ANKS1B: variants seen among roughly 807,000 people sequenced by gnomAD.
ANKS1B encodes ankyrin repeat and sterile alpha motif domain-containing protein 1B.
A neutral mutation model predicts 148.3 loss-of-function variants in ANKS1B; 36 were observed. The ratio of observed to expected loss-of-function variants is 0.24; its 90% CI spans 0.19 to 0.32. ANKS1B has a LOEUF of 0.32. ANKS1B is among the 10% of genes least tolerant of loss of function. The pLI, the probability that ANKS1B is intolerant of heterozygous loss-of-function variation, is 1.00. For synonymous variants in ANKS1B, 542 were observed against 560.8 expected (o/e 0.97, Z 0.47); for missense variants, 1,157 against 1,542.6 (o/e 0.75, Z 4.19).
intron 14 of ANKS1B, among the ~76,000 whole-genome samples, chr12:99,162,897 C>T (rs192577407): frequency 1.3e-5 from 2 of 151,828 alleles, no homozygotes; most frequent in African/African-American, 4.8e-5. Flanking sequence ...GTCTCTACTA[C>T]AAATACAAAA....
intron 17 of ANKS1B, among the ~76,000 whole-genome samples, chr12:98,857,170 T>C (rs918992023): frequency 9.8e-5 from 15 of 152,306 alleles, no homozygotes; most frequent in African/African-American, 3.4e-4. Flanking sequence ...GAGGAGGAAG[T>C]AGTTACTTCT....
intron 10 of ANKS1B, among the ~76,000 whole-genome samples, chr12:99,463,552 C>T (rs1180080815): frequency 2.0e-5 from 3 of 152,196 alleles, no homozygotes; most frequent in Non-Finnish European, 4.4e-5. Flanking sequence ...AAAGGGGTGA[C>T]AGATGGCACC....
At chr12:99,467,745 C>A (rs1221195337) in intron 10 of ANKS1B, among the ~76,000 whole-genome samples, 1 of 152,068 alleles carries the variant, frequency 6.6e-6, no homozygotes, top group African/African-American at 2.4e-5. Flanking sequence ...ACATGAAGGA[C>A]CTCTTCAAGG....
At chr12:98,755,020 C>T (rs1404976121) in intron 25 of ANKS1B, among the ~76,000 whole-genome samples, 2 of 152,148 alleles carry the variant, frequency 1.3e-5, no homozygotes, top group Non-Finnish European at 2.9e-5. Flanking sequence ...CTGCAGCCCT[C>T]CTGTTTGTGG....
rs566615555 is a variant in ANKS1B, at chr12:98,984,243, T to C, written c.2778+68914A>G. ...CTTAATCTCCTGGAAGGGTAGTTTGTGTGGTAAAATACTCTGGCCTTTTGA... is the reference window on the plus strand; with the variant it reads ...CTTAATCTCCTGGAAGGGTAGTTTGCGTGGTAAAATACTCTGGCCTTTTGA... On this transcript the variant is annotated intron_variant, in intron 17 of 26. Transcript: ENST00000683438. Among the ~76,000 whole-genome samples, 42 of 152,356 alleles carry C rather than the reference T, an allele frequency of 2.8e-4. No homozygotes were observed. The South Asian group carries it at 7.7e-3, about 28-fold the overall frequency.
chr12:99,498,109 C>T (rs2096621316), intron 10 of ANKS1B, among the ~76,000 whole-genome samples: 1 of 152,128 alleles, frequency 6.6e-6, no homozygotes, highest in African/African-American at 2.4e-5. Flanking sequence ...TTCTCTGCTG[C>T]AATTGTCTTT....
At chr12:98,866,076 C>T (rs1418206082) in intron 17 of ANKS1B, among the ~76,000 whole-genome samples, 1 of 152,150 alleles carries the variant, frequency 6.6e-6, no homozygotes, top group Non-Finnish European at 1.5e-5. Flanking sequence ...CCAAAGGCCC[C>T]ACCTCCTAAT....
Position 99,241,508 on chromosome 12 carries a change from A to G in ANKS1B, c.2419+2834T>C, listed in dbSNP as rs1002388290. On this transcript the variant is annotated intron_variant, in intron 14 of 26. Coordinates refer to ENST00000683438, the MANE Select transcript of ANKS1B (RefSeq NM_001352186.2). ...GTACCATTCCTTCTGAAACTTTTCC[A>G]ATCAATAGAAAAAGAGGGAATCCTC... is the stretch of plus-strand genomic sequence containing the variant. Among the ~76,000 whole-genome samples the G allele has an allele frequency of 3.9e-5, 6 of 152,248 alleles. No individual in the cohort carries two copies. In the South Asian group the frequency reaches 1.2e-3, roughly 32 times the overall value.
chr12:99,692,623 A>G lies in ANKS1B; in HGVS notation c.1129-37413T>C, dbSNP rs760652967. Among the ~76,000 whole-genome samples, 78 of 150,474 alleles carry G rather than the reference A, an allele frequency of 5.2e-4. No individual in the cohort carries two copies. The Admixed American group carries it at 5.2e-3, about 10-fold the overall frequency. ...GAGGCAGAGGTTGCAGCAAGCTGAG[A>G]TCGCACCACTGCACTCCAGCCTGGG... On this transcript the variant is annotated intron_variant, in intron 8 of 26. Transcript: ENST00000683438.
intron 12 of ANKS1B, among the ~76,000 whole-genome samples, chr12:99,385,301 T>G (rs539618675): frequency 6.6e-6 from 1 of 152,200 alleles, no homozygotes; most frequent in South Asian, 2.1e-4. Context: ...AAACCCCATC[T>G]CTACTAAAAA....
At chr12:99,701,863 T>C (rs1350745954) in intron 8 of ANKS1B, among the ~76,000 whole-genome samples, 1 of 152,156 alleles carries the variant, frequency 6.6e-6, no homozygotes, top group Non-Finnish European at 1.5e-5. Context: ...TTGTTGCAAA[T>C]GATAGGATCT....
intron 10 of ANKS1B, among the ~76,000 whole-genome samples, chr12:99,483,434 T>G (rs1210115355): frequency 6.6e-6 from 1 of 152,002 alleles, no homozygotes. Flanking sequence ...TCTACGTTCA[T>G]CAGGGTAATT....
At chr12:99,854,202 C>T (rs1448162371) in intron 1 of ANKS1B, among the ~76,000 whole-genome samples, 2 of 152,046 alleles carry the variant, frequency 1.3e-5, no homozygotes, top group African/African-American at 4.8e-5. Context: ...TTAGTAGAGA[C>T]GGGGTTTCAC....
At chr12:99,771,729 G>A (rs2063213350) in intron 8 of ANKS1B, among the ~76,000 whole-genome samples, 1 of 151,584 alleles carries the variant, frequency 6.6e-6, no homozygotes, top group African/African-American at 2.4e-5. Context: ...TTTTTATTGG[G>A]GCCAATAATA....
At chr12:99,055,212 C>T (rs2153538037) in intron 16 of ANKS1B, among the ~76,000 whole-genome samples, 1 of 152,328 alleles carries the variant, frequency 6.6e-6, no homozygotes, top group East Asian at 1.9e-4. Context: ...GGTGGTTGAA[C>T]TAACTCTGTT....
At chr12:99,131,502 C>G (rs955551678) in intron 15 of ANKS1B, among the ~76,000 whole-genome samples, 1 of 152,132 alleles carries the variant, frequency 6.6e-6, no homozygotes, top group African/African-American at 2.4e-5. Context: ...AAATTATCTG[C>G]CAGTGAAAAT....
chr12:99,555,014 G>A (rs903324830), intron 9 of ANKS1B, among the ~76,000 whole-genome samples: 1 of 152,046 alleles, frequency 6.6e-6, no homozygotes, highest in Admixed American at 6.6e-5. Flanking sequence ...CTATGTTGCT[G>A]CAAAAGACAT....
chr12:99,089,859 T>C (rs2053440853), intron 15 of ANKS1B, among the ~76,000 whole-genome samples: 2 of 152,230 alleles, frequency 1.3e-5, no homozygotes, highest in South Asian at 4.1e-4. Flanking sequence ...TCACACTGCA[T>C]AAGGTGTTTA....
chr12:99,462,822 C>A (rs1468272592), intron 10 of ANKS1B, among the ~76,000 whole-genome samples: 1 of 152,172 alleles, frequency 6.6e-6, no homozygotes, highest in Admixed American at 6.5e-5. Context: ...TCATGAGTTA[C>A]CATGAGATCT....
Sources: allele counts gnomAD v4.1 joint callset (sites outside exome capture counted in the v4.1 genomes callset), GRCh38; gene constraint gnomAD v4.1.1; transcripts MANE v1.5; gene names NCBI Gene and HGNC (gene_info 2026-07-23, HGNC 2026-07-21).